Variants in MYH13 observed in about 807,000 individuals in gnomAD.
The protein encoded by MYH13 is myosin heavy chain 13.
MYH13 carries 177 observed loss-of-function variants against 232.1 expected under a neutral mutation model. The observed-to-expected ratio is 0.76, with a 90% confidence interval of 0.67 to 0.86. The LOEUF (loss-of-function observed/expected upper bound fraction) is 0.86, where lower values mean the gene tolerates loss of function less well. MYH13 is among the 40% of genes least tolerant of loss of function. The pLI is 0.00. For synonymous variants in MYH13, 884 were observed against 923.5 expected (o/e 0.96, Z 0.78); for missense variants, 2,246 against 2,405.9 (o/e 0.93, Z 1.39).
intron 29 of MYH13, among the ~76,000 whole-genome samples, chr17:10,315,492 C>T (rs566702127): frequency 1.4e-4 from 21 of 152,206 alleles, no homozygotes; most frequent in Admixed American, 8.5e-4. Context: ...GACGGGGTTT[C>T]GCCATCTTGG....
chr17:10,313,334 G>C lies in MYH13; in HGVS notation c.4005C>G (p.His1335Gln), dbSNP rs754830808. ...AGTCGTGGCGGGAGGACTGCAGGGC[G>C]TGCGCCATGGCGTTCTTGGCCTGGG... ...EETKAKNAMA[H>Q]ALQSSRHDCD... The change falls in exon 30 of 41, where the codon CAC becomes CAG. Residue 1335 changes from histidine to glutamine, a missense_variant. By Grantham distance (24) the His-to-Gln change is conservative. Coordinates refer to ENST00000252172, the MANE Select transcript of MYH13 (RefSeq NM_003802.3). 1.2e-6 allele frequency: 2 copies of C among 1,614,122 alleles called. No individual in the cohort carries two copies. Among genetic ancestry groups the C allele is most frequent in the African/African-American group, 2.7e-5 (2 of 74,930 alleles).
chr17:10,305,721 C>T (rs1161339063), intron 37 of MYH13, among the ~76,000 whole-genome samples: 5 of 152,036 alleles, frequency 3.3e-5, no homozygotes, highest in Non-Finnish European at 5.9e-5. Flanking sequence ...TGAAATAAAC[C>T]ACATGGGTCT....
At chr17:10,352,408 G>A (rs1029966119) in intron 11 of MYH13, among the ~76,000 whole-genome samples, 3 of 152,074 alleles carry the variant, frequency 2.0e-5, no homozygotes, top group African/African-American at 7.2e-5. Flanking sequence ...TGGCCAACAT[G>A]GGGAAACCCC....
chr17:10,328,264 T>A (rs1388721386), intron 21 of MYH13, 143 bp from the exon 22 acceptor site: 5 of 909,456 alleles, frequency 5.5e-6, no homozygotes, highest in Non-Finnish European at 8.3e-6. Context: ...ATCCTCTGGA[T>A]CCAGAGTAGG....
In MYH13 at chr17:10,312,031, A is replaced by T. The variant is rs759268800; in HGVS notation, c.4411T>A (p.Leu1471Met). 4.3e-6 allele frequency: 7 copies of T among 1,613,904 alleles called. No homozygotes were observed. The South Asian group carries it at 7.7e-5, about 18-fold the overall frequency. The change falls in exon 32 of 41, where the codon TTG (leucine) becomes ATG (methionine). Residue 1471 changes from leucine to methionine, a missense_variant. By Grantham distance (15) the Leu-to-Met change is conservative (BLOSUM62 2). Transcript: ENST00000252172. ...CTGGACTCCTTCTGAGCAGCTTCCA[A>T]CTCAGCCTGGCTTTCGTCCAGCTTT... is the stretch of plus-strand genomic sequence containing the variant. ...KQKLDESQAE[L>M]EAAQKESRSL... is the part of the protein sequence containing the mutation.
intron 26 of MYH13, among the ~76,000 whole-genome samples, chr17:10,319,503 G>A (rs933970743): frequency 4.6e-5 from 3 of 64,902 alleles, no homozygotes; most frequent in Middle Eastern, 5.6e-3. Flanking sequence ...AGCAAGACTC[G>A]GTCTCAAAAA....
At chr17:10,308,443 CTTTTTTTT>C (rs57432823) in intron 35 of MYH13, among the ~76,000 whole-genome samples, 2 of 113,110 alleles carry the variant, frequency 1.8e-5, no homozygotes, top group South Asian at 2.7e-4. Context: ...TTAATTAAAA[CTTTTTTTT>C]TTTTTTTTTT....
At chr17:10,313,792 A>G (rs1038633160) in intron 29 of MYH13, among the ~76,000 whole-genome samples, 1 of 152,230 alleles carries the variant, frequency 6.6e-6, no homozygotes, top group Non-Finnish European at 1.5e-5. Flanking sequence ...GATTGGAACA[A>G]TTAAAAAGGG....
chr17:10,347,337 C>A (rs2071673870), intron 12 of MYH13, among the ~76,000 whole-genome samples: 1 of 152,032 alleles, frequency 6.6e-6, no homozygotes, highest in African/African-American at 2.4e-5. Flanking sequence ...TGAACTCCAG[C>A]CTGGGTGACA....
intron 12 of MYH13, among the ~76,000 whole-genome samples, chr17:10,348,536 A>G (rs1374537584): frequency 1.3e-5 from 2 of 152,232 alleles, no homozygotes; most frequent in Non-Finnish European, 2.9e-5. Context: ...CATTGATATC[A>G]TTGGAGCACT....
At chr17:10,321,234 G>A (rs911603721) in intron 24 of MYH13, among the ~76,000 whole-genome samples, 3 of 152,230 alleles carry the variant, frequency 2.0e-5, no homozygotes, top group South Asian at 2.1e-4. Context: ...GGTGATGATA[G>A]CAATAGTAGC....
chr17:10,343,950 C>T lies in MYH13; in HGVS notation c.1744G>A (p.Val582Met). Residue 582 changes from valine to methionine, a missense_variant, in exon 16 of 41, where the codon GTG (valine) becomes ATG (methionine). Transcript: ENST00000252172. ...TAGTCCACGGTGCCGGCATAGTGCA[C>T]CAGCGAGAAGTGAGCCTCAGCCTTG... ...KGKAEAHFSL[V>M]HYAGTVDYNI... 1.2e-6 allele frequency: 2 copies of T among 1,614,222 alleles called. No homozygotes were observed. The highest frequency in any genetic ancestry group is 1.1e-5 in the South Asian group (1 of 91,090).
At chr17:10,320,886 A>G (rs943083788) in intron 24 of MYH13, among the ~76,000 whole-genome samples, 2 of 152,340 alleles carry the variant, frequency 1.3e-5, no homozygotes, top group African/African-American at 4.8e-5. Context: ...GCCTGCTAAC[A>G]TTATGCAACC....
At chr17:10,365,494 A>C (rs763010755) in intron 2 of MYH13, among the ~76,000 whole-genome samples, 54 of 152,300 alleles carry the variant, frequency 3.5e-4, no homozygotes, top group Non-Finnish European at 4.6e-4. Context: ...AGTGGGGCCC[A>C]AAAATGGGCA....
At position 10,330,403 on chromosome 17, in the gene MYH13, T is replaced by G. The variant is rs1907368877; in HGVS notation, c.2419A>C (p.Lys807Gln). The G allele has an allele frequency of 6.2e-7, 1 of 1,612,630 alleles. No individual in the cohort carries two copies. The highest frequency in any genetic ancestry group is 8.5e-7 in the Non-Finnish European group (1 of 1,179,040). ...RGYLMRVEFK[K>Q]MMERRDSIFC... is the part of the protein sequence containing the mutation. ...CTGTGTCACCTCCTCTCCATCATCT[T>G]CTTGAACTCCACCCGCATCAGGTAC... The change falls in exon 21 of 41, where the codon AAG becomes CAG. Residue 807 changes from lysine to glutamine, a missense_variant. By Grantham distance (53) the Lys-to-Gln change is moderately conservative. Coordinates refer to ENST00000252172, the MANE Select transcript of MYH13 (RefSeq NM_003802.3).
rs377103700 is a variant in MYH13, at chr17:10,332,232, G to C, written c.2175-10C>G. ...ATTGAGGATCCGGTACCTAAGGAGA[G>C]AGGACATTTCCCAAATGGATTCCAA... is the stretch of plus-strand genomic sequence containing the variant. On this transcript the variant is annotated splice_polypyrimidine_tract_variant and intron_variant, in intron 19 of 40. Transcript: ENST00000252172. The C allele has an allele frequency of 4.3e-6, 7 of 1,613,072 alleles. No individual in the cohort carries two copies. The African/African-American group carries it at 9.3e-5, about 21-fold the overall frequency.
chr17:10,313,250 C>T lies in MYH13; in HGVS notation c.4089G>A (p.Arg1363=), dbSNP rs1195655466. The change falls in exon 30 of 41, where the codon AGG becomes AGA. Residue 1363 remains arginine (R), a synonymous_variant. Coordinates refer to ENST00000252172, the MANE Select transcript of MYH13 (RefSeq NM_003802.3). ...CCTCACTGTTGGCCTTGGACAGCGC[C>T]CTCTGCAGCTCGGCCTTGGCTTCCT... is the stretch of plus-strand genomic sequence containing the variant. The part of the protein sequence containing the change: ...EEQEAKAELQ[R]ALSKANSEVA... 6.2e-7 allele frequency: 1 copy of T among 1,614,226 alleles called. No individual in the cohort carries two copies. The highest frequency in any genetic ancestry group is 8.5e-7 in the Non-Finnish European group (1 of 1,180,042).
chr17:10,350,830 G>A (rs2071704131), intron 11 of MYH13, 136 bp from the exon 12 acceptor site: 2 of 1,145,640 alleles, frequency 1.7e-6, no homozygotes, highest in Admixed American at 3.6e-5. Context: ...GACAGGTGGG[G>A]ATGTGGTAAA....
chr17:10,338,701 T>TTTG lies in MYH13; in HGVS notation c.2056+1448_2056+1449insCAA, dbSNP rs776466372. 3.4e-3 allele frequency among the ~76,000 whole-genome samples: 433 copies of TTTG among 127,868 alleles called. 2 individuals carry two copies. Among genetic ancestry groups the TTTG allele is most frequent in the African/African-American group, 0.011 (400 of 35,680 alleles). The allele number at this position is 127,868 out of a possible 152,430, so 83.9% of individuals were successfully genotyped here. On this transcript the variant is annotated intron_variant, in intron 18 of 40. Coordinates refer to ENST00000252172, the MANE Select transcript of MYH13 (RefSeq NM_003802.3). ...CACTTTTATCCTTGTTTTTTTTTTTTTTTTGTTTGTTTTTTTTGAGACGGA... is the reference window on the plus strand; with the variant it reads ...CACTTTTATCCTTGTTTTTTTTTTTTTTGTTTTGTTTGTTTTTTTTGAGACGGA...
Sources: allele counts gnomAD v4.1 joint callset (sites outside exome capture counted in the v4.1 genomes callset), GRCh38; gene constraint gnomAD v4.1.1; transcripts MANE v1.5; gene names NCBI Gene and HGNC (gene_info 2026-07-23, HGNC 2026-07-21).